The following RAPGEF4 variants were observed in gnomAD, a reference collection of about 807,000 sequenced individuals.
RAPGEF4 encodes RAP guanine-nucleotide-exchange factor (GEF) 4.
A neutral mutation model predicts 147.9 loss-of-function variants in RAPGEF4; 66 were observed. The ratio of observed to expected loss-of-function variants is 0.45; its 90% confidence interval spans 0.37 to 0.55. RAPGEF4 has a LOEUF of 0.55. Ranked by LOEUF, RAPGEF4 falls within the 20% of genes least tolerant of loss-of-function variation. The pLI is 0.00. For synonymous variants in RAPGEF4, 419 were observed against 442.7 expected (o/e 0.95, Z 0.67); for missense variants, 1,071 against 1,257.3 (o/e 0.85, Z 2.24).
chr2:173,020,750 A>C, intron 23 of RAPGEF4, 35 bp downstream of exon 23: 1 of 1,547,046 alleles, frequency 6.5e-7, no homozygotes, highest in Admixed American at 1.9e-5. Flanking sequence ...GCAGCATTGC[A>C]ATCAGAAAAA....
At chr2:172,894,530 G>A (rs562301104) in intron 4 of RAPGEF4, 4 of 152,176 alleles carry the variant, frequency 2.6e-5, no homozygotes, top group African/African-American at 9.7e-5. Flanking sequence ...GATTTAGTGG[G>A]AGAGAGTAGA....
chr2:172,990,017 C>CAAAAAA (rs10689863), intron 14 of RAPGEF4, among the ~76,000 whole-genome samples: 1 of 128,928 alleles, frequency 7.8e-6, no homozygotes. Context: ...GGTCTTAATG[C>CAAAAAA]AAAAAAAAAA....
chr2:172,753,875 T>TACAC (rs58877556), intron 1 of RAPGEF4, among the ~76,000 whole-genome samples: 9,884 of 146,430 alleles, frequency 0.067, 383 homozygotes, highest in African/African-American at 0.11. Flanking sequence ...ACAGTGTATG[T>TACAC]ACACACACAC....
At chr2:173,032,035 A>G (rs56947538) in intron 26 of RAPGEF4, among the ~76,000 whole-genome samples, 3,279 of 152,256 alleles carry the variant, frequency 0.022, 103 homozygotes, top group African/African-American at 0.074. Flanking sequence ...ACAGCCACGG[A>G]ATAAAATAGA....
chr2:173,020,244 A>G (rs1194196028), intron 22 of RAPGEF4, among the ~76,000 whole-genome samples: 2 of 152,222 alleles, frequency 1.3e-5, no homozygotes, highest in Non-Finnish European at 2.9e-5. Context: ...GAAACCTCCA[A>G]AGTTTTTAAA....
At chr2:172,914,840 G>A (rs187787841) in intron 4 of RAPGEF4, among the ~76,000 whole-genome samples, 64 of 152,198 alleles carry the variant, frequency 4.2e-4, no homozygotes, top group Admixed American at 3.0e-3. Context: ...ATTATATTGC[G>A]CTGTAGTTTT....
intron 4 of RAPGEF4, among the ~76,000 whole-genome samples, chr2:172,895,368 C>T (rs1698367110): frequency 1.3e-5 from 2 of 152,094 alleles, no homozygotes; most frequent in African/African-American, 2.4e-5. Context: ...TCCAAGGAGT[C>T]GTAGACCTTT....
chr2:172,853,872 T>A (rs1341652097), intron 4 of RAPGEF4, among the ~76,000 whole-genome samples: 4 of 99,092 alleles, frequency 4.0e-5, no homozygotes, highest in African/African-American at 1.8e-4. Context: ...TTGGTTTAAT[T>A]AAATTGTGGT....
intron 29 of RAPGEF4, among the ~76,000 whole-genome samples, chr2:173,041,476 A>C: frequency 6.6e-6 from 1 of 152,204 alleles, no homozygotes; most frequent in East Asian, 1.9e-4. Flanking sequence ...AAATATAAAC[A>C]TCTAGAAAGT....
At chr2:173,001,189 A>G (rs1575484785) in intron 16 of RAPGEF4, 77 bp from the exon 17 acceptor site, 8 of 1,593,948 alleles carry the variant, frequency 5.0e-6, no homozygotes, top group Non-Finnish European at 6.8e-6. Context: ...GACTAAGAAC[A>G]AGTGAATGGA....
chr2:172,829,261 T>C (rs1420862307), intron 4 of RAPGEF4, among the ~76,000 whole-genome samples: 1 of 152,242 alleles, frequency 6.6e-6, no homozygotes, highest in Non-Finnish European at 1.5e-5. Context: ...GGAGTTCTGC[T>C]GATACTGGCG....
intron 6 of RAPGEF4, among the ~76,000 whole-genome samples, chr2:172,947,756 A>AT (rs1449428037): frequency 2.6e-5 from 4 of 152,074 alleles, no homozygotes; most frequent in East Asian, 3.9e-4. Flanking sequence ...ACTTTCTTAA[A>AT]TTTTTTTTGA....
At chr2:173,006,177 G>A (rs1362346393) in intron 17 of RAPGEF4, among the ~76,000 whole-genome samples, 1 of 152,126 alleles carries the variant, frequency 6.6e-6, no homozygotes, top group Non-Finnish European at 1.5e-5. Flanking sequence ...AACCATGATG[G>A]GAATGAACCC....
intron 26 of RAPGEF4, among the ~76,000 whole-genome samples, chr2:173,031,883 C>T (rs1436441546): frequency 5.3e-5 from 8 of 151,984 alleles, no homozygotes; most frequent in Non-Finnish European, 1.2e-4. Flanking sequence ...TCCTAAGCAC[C>T]TTTGATTCTA....
Position 172,960,792 on chromosome 2 carries a change from T to C in RAPGEF4, c.570T>C (p.Arg190=), listed in dbSNP as rs1689207551. The C allele has an allele frequency of 8.7e-6, 14 of 1,607,942 alleles. No homozygotes were observed. Among genetic ancestry groups the C allele is most frequent in the Non-Finnish European group, 1.1e-5 (13 of 1,177,072 alleles). Residue 190 remains arginine (R), a synonymous_variant, in exon 7 of 31, where the codon CGT becomes CGC. Transcript: ENST00000397081. ...TPLIEPHVPL[R]PANTITKVPS... is the part of the protein sequence containing the mutation. The stretch of plus-strand genomic sequence containing the variant: ...TCATTGAACCTCACGTTCCTCTTCG[T>C]CCTGCTAACACCATTACCAAGGTAA...
At chr2:172,824,923 C>T (rs1011910567) in intron 4 of RAPGEF4, among the ~76,000 whole-genome samples, 2 of 152,166 alleles carry the variant, frequency 1.3e-5, no homozygotes, top group Admixed American at 6.5e-5. Flanking sequence ...AATAAATTCC[C>T]AGGAAAAGAA....
chr2:172,736,281 A>G, intron 1 of RAPGEF4: 1 of 325,032 alleles, frequency 3.1e-6, no homozygotes, highest in Non-Finnish European at 5.5e-6. Flanking sequence ...AATGCAGCGC[A>G]GTAAGGGGAG....
intron 4 of RAPGEF4, among the ~76,000 whole-genome samples, chr2:172,903,202 C>T (rs1164958624): frequency 6.6e-6 from 1 of 151,870 alleles, no homozygotes; most frequent in Non-Finnish European, 1.5e-5. Context: ...AACCTCATCT[C>T]TACTAAAAAT....
chr2:172,846,749 C>G (rs1262615043), intron 4 of RAPGEF4, among the ~76,000 whole-genome samples: 1 of 152,190 alleles, frequency 6.6e-6, no homozygotes, highest in Non-Finnish European at 1.5e-5. Flanking sequence ...TCACACAAGG[C>G]CCGGCCCAGC....
Sources: gnomAD v4.1 joint callset for allele counts (sites outside exome capture counted in the v4.1 genomes callset) on GRCh38, gnomAD v4.1.1 for gene constraint, MANE v1.5 for transcripts, NCBI Gene and HGNC (gene_info 2026-07-23, HGNC 2026-07-21) for gene names.